Variants in ANKRD27 observed in about 807,000 individuals in gnomAD.
ANKRD27 encodes the protein ankyrin repeat domain-containing protein 27.
Under a neutral mutation model 129.7 loss-of-function variants are expected in ANKRD27, and 112 were observed. The observed-to-expected ratio is 0.86, with a 90% confidence interval of 0.74 to 1.01. The LOEUF is 1.01. ANKRD27 is among the 50% of genes least tolerant of loss of function. The pLI, the probability that ANKRD27 is intolerant of heterozygous loss-of-function variation, is 0.00. For missense variants in ANKRD27, 1,258 were observed against 1,300.5 expected (o/e 0.97, Z 0.50); for synonymous variants, 516 against 511.2 (o/e 1.01, Z -0.13).
chr19:32,629,459 G>A (rs1039343690), intron 13 of ANKRD27, among the ~76,000 whole-genome samples: 2 of 152,124 alleles, frequency 1.3e-5, no homozygotes, highest in Non-Finnish European at 2.9e-5. Context: ...CAGCACTTTG[G>A]GAGGCCAAGG....
In ANKRD27 at chr19:32,607,601, C is replaced by A. The variant is rs376345338; in HGVS notation, c.2373+34G>T. 164 of 1,600,652 alleles carry A rather than the reference C, an allele frequency of 1.0e-4. No individual in the cohort carries two copies. The African/African-American group carries it at 2.0e-3, about 20-fold the overall frequency. On this transcript the variant is annotated intron_variant, in intron 23 of 28. Coordinates refer to ENST00000306065, the MANE Select transcript of ANKRD27 (RefSeq NM_032139.3). ...ACAAGGTCCTAGCCCAAAGCAGACA[C>A]CCTGCTCCACCACCCCCAACACACA...
chr19:32,671,848 T>C (rs887594502), intron 1 of ANKRD27, among the ~76,000 whole-genome samples: 5 of 152,190 alleles, frequency 3.3e-5, no homozygotes, highest in Non-Finnish European at 7.3e-5. Flanking sequence ...GATGGGAAAA[T>C]GTACAGAAAA....
intron 20 of ANKRD27, among the ~76,000 whole-genome samples, chr19:32,618,869 C>G (rs1971962866): frequency 6.6e-6 from 1 of 152,138 alleles, no homozygotes; most frequent in Non-Finnish European, 1.5e-5. Flanking sequence ...CCGGATTGCA[C>G]CACTGCACTC....
chr19:32,620,319 G>A (rs1031527940), intron 18 of ANKRD27, among the ~76,000 whole-genome samples: 1 of 151,862 alleles, frequency 6.6e-6, no homozygotes, highest in African/African-American at 2.4e-5. Flanking sequence ...AGCACTTTGG[G>A]AGGCCTAGGT....
rs1346158513 is a variant in ANKRD27, at chr19:32,628,088, A to C, written c.1415T>G (p.Val472Gly). The C allele has an allele frequency of 6.8e-6, 11 of 1,614,120 alleles. No homozygotes were observed. The highest frequency in any genetic ancestry group is 9.3e-6 in the Non-Finnish European group (11 of 1,179,968). The change falls in exon 15 of 29, where the codon GTC (valine) becomes GGC (glycine). Residue 472 changes from valine (V) to glycine (G), a missense_variant. Val to Gly is a moderately radical substitution (Grantham distance 109, BLOSUM62 -3). Coordinates refer to ENST00000306065, the MANE Select transcript of ANKRD27 (RefSeq NM_032139.3). Reference sequence around the variant, plus strand: ...GCCAGCCCAGGACCACATACCACAGACAGCAGCCACATGGAGAGGGGTGTG... The same window carrying C: ...GCCAGCCCAGGACCACATACCACAGCCAGCAGCCACATGGAGAGGGGTGTG... Reference protein sequence around the residue: ...RGHTPLHVAAVCGQASLIDLL... With the variant: ...RGHTPLHVAAGCGQASLIDLL...
At chr19:32,652,759 C>T (rs913501523) in intron 2 of ANKRD27, among the ~76,000 whole-genome samples, 1 of 151,384 alleles carries the variant, frequency 6.6e-6, no homozygotes, top group East Asian at 2.0e-4. Flanking sequence ...AAAACCCTGT[C>T]TCTACAAAAA....
chr19:32,598,166 C>G lies in ANKRD27; in HGVS notation c.3132G>C (p.Glu1044Asp). ...EAAGPLSTPQ[E>D]VSASRS Reference sequence around the variant, plus strand: ...CCTGTTAGGACCGGGAAGCACTAACCTCTTGGGGAGTGGAGAGGGGGCCAG... The same window carrying G: ...CCTGTTAGGACCGGGAAGCACTAACGTCTTGGGGAGTGGAGAGGGGGCCAG... Residue 1044 changes from glutamate (E) to aspartate (D), a missense_variant, in exon 29 of 29, where the codon GAG becomes GAC. Glu to Asp is a conservative substitution (Grantham distance 45). Transcript: ENST00000306065. 1.2e-6 allele frequency: 2 copies of G among 1,614,150 alleles called. No individual in the cohort carries two copies. Among genetic ancestry groups the G allele is most frequent in the South Asian group, 2.2e-5 (2 of 91,078 alleles).
At chr19:32,626,119 T>G (rs1972086733) in intron 16 of ANKRD27, among the ~76,000 whole-genome samples, 153 bp from the exon 17 acceptor site, 1 of 152,186 alleles carries the variant, frequency 6.6e-6, no homozygotes, top group Non-Finnish European at 1.5e-5. Flanking sequence ...TCCTGACACT[T>G]GAGAGACTGA....
At chr19:32,626,234 C>T (rs1418972208) in intron 16 of ANKRD27, among the ~76,000 whole-genome samples, 1 of 152,198 alleles carries the variant, frequency 6.6e-6, no homozygotes, top group Non-Finnish European at 1.5e-5. Flanking sequence ...GTGGCACGAT[C>T]ATTGCTCACT....
chr19:32,671,071 A>G (rs758015501), intron 1 of ANKRD27, among the ~76,000 whole-genome samples: 2 of 151,660 alleles, frequency 1.3e-5, no homozygotes, highest in Non-Finnish European at 2.9e-5. Flanking sequence ...TGAGGCTGAC[A>G]GATGATTGAG....
intron 3 of ANKRD27, 108 bp from the exon 4 acceptor site, chr19:32,646,723 T>G (rs259220): frequency 1.0e-5 from 12 of 1,203,778 alleles, no homozygotes; most frequent in African/African-American, 4.6e-5. Flanking sequence ...CTTCACCCCA[T>G]TGTGGGTTTG....
intron 11 of ANKRD27, among the ~76,000 whole-genome samples, chr19:32,640,017 G>A (rs3760942): frequency 0.56 from 85,341 of 151,888 alleles, 24,119 homozygotes; most frequent in East Asian, 0.63. Context: ...GCTGGAGTGC[G>A]GTGGCGCGAT....
At chr19:32,599,618 A>T (rs1324341945) in intron 28 of ANKRD27, 86 bp downstream of exon 28, 9 of 1,220,654 alleles carry the variant, frequency 7.4e-6, no homozygotes, top group Middle Eastern at 2.0e-4. Context: ...GAAGATGACG[A>T]TCAAGGAGAC....
In ANKRD27 at chr19:32,642,684, C is replaced by G. The variant is rs1967224305; in HGVS notation, c.782+439G>C. Reference sequence around the variant, plus strand: ...CTCAGGAGGCAGAGGTTGCAGTGAGCCGAGATCACACCACTGCACTCCAGC... The same window carrying G: ...CTCAGGAGGCAGAGGTTGCAGTGAGGCGAGATCACACCACTGCACTCCAGC... On this transcript the variant is annotated intron_variant, in intron 9 of 28. Coordinates refer to ENST00000306065, the MANE Select transcript of ANKRD27 (RefSeq NM_032139.3). Among the ~76,000 whole-genome samples, 3 of 152,214 alleles carry G rather than the reference C, an allele frequency of 2.0e-5. No individual in the cohort carries two copies. The South Asian group carries it at 6.2e-4, about 32-fold the overall frequency.
intron 15 of ANKRD27, 47 bp from the exon 16 acceptor site, chr19:32,626,874 C>G: frequency 7.5e-7 from 1 of 1,330,028 alleles, no homozygotes; most frequent in Non-Finnish European, 1.1e-6. Context: ...GCGCAGAGGC[C>G]TTCCACACCT....
intron 9 of ANKRD27, among the ~76,000 whole-genome samples, chr19:32,642,368 GA>G (rs11433754): frequency 7.4e-5 from 11 of 148,100 alleles, no homozygotes; most frequent in Non-Finnish European, 7.5e-5. Flanking sequence ...AAGAAAAGCT[GA>G]AAAAAAAAAA....
chr19:32,604,011 G>C (rs960257433), intron 25 of ANKRD27, among the ~76,000 whole-genome samples: 3 of 152,082 alleles, frequency 2.0e-5, no homozygotes, highest in Non-Finnish European at 4.4e-5. Context: ...CTGAGGGGGG[G>C]GCCCCTCCAC....
intron 4 of ANKRD27, 39 bp downstream of exon 4, chr19:32,646,420 T>C (rs1333661195): frequency 6.3e-7 from 1 of 1,580,350 alleles, no homozygotes; most frequent in Non-Finnish European, 8.6e-7. Flanking sequence ...AAACACATTT[T>C]TCTAAAACAG....
chr19:32,604,334 G>A lies in ANKRD27; in HGVS notation c.2584C>T (p.Leu862Phe). Residue 862 changes from leucine (L) to phenylalanine (F), a missense_variant, in exon 25 of 29, where the codon CTT becomes TTT. By Grantham distance (22) the Leu-to-Phe change is conservative. Transcript: ENST00000306065. ...TGAACTGACGCTCCGTGGAGCAGAAGCAGCTCTACCACGAAGACGTGCTTT... is the reference window on the plus strand; with the variant it reads ...TGAACTGACGCTCCGTGGAGCAGAAACAGCTCTACCACGAAGACGTGCTTT... ...IEKHVFVVELLLLHGASVQVL... is the reference protein window; with the variant it reads ...IEKHVFVVELFLLHGASVQVL... 1 of 1,614,084 alleles carries A rather than the reference G, an allele frequency of 6.2e-7. No homozygotes were observed. Among genetic ancestry groups the A allele is most frequent in the Non-Finnish European group, 8.5e-7 (1 of 1,179,980 alleles).
Sources: gnomAD v4.1 joint callset for allele counts (sites outside exome capture counted in the v4.1 genomes callset) on GRCh38, gnomAD v4.1.1 for gene constraint, MANE v1.5 for transcripts, NCBI Gene and HGNC (gene_info 2026-07-23, HGNC 2026-07-21) for gene names.